Variants in PAX5 observed in about 807,000 individuals in gnomAD.
PAX5 encodes paired box protein Pax-5.
In PAX5, 9 loss-of-function variants were observed where a neutral mutation model predicts 43.7. The observed-to-expected ratio is 0.21, with a 90% confidence interval of 0.12 to 0.36. PAX5 has a LOEUF of 0.36. Among genes scored for constraint, PAX5 ranks in the 10% least tolerant of loss-of-function variants. The pLI, the probability that PAX5 is intolerant of heterozygous loss-of-function variation, is 1.00. For synonymous variants in PAX5, 228 were observed against 214.3 expected, an observed-to-expected ratio of 1.06 and a Z score of -0.56; for missense variants, 383 against 532.7, an observed-to-expected ratio of 0.72 and a Z score of 2.77.
intron 5 of PAX5, among the ~76,000 whole-genome samples, chr9:36,967,646 G>A (rs114212833): frequency 7.8e-4 from 119 of 152,288 alleles, no homozygotes; most frequent in African/African-American, 2.6e-3. Flanking sequence ...AAAATAAGAC[G>A]ATGTGCAATA....
At chr9:37,025,786 G>A (rs1157991468) in intron 1 of PAX5, among the ~76,000 whole-genome samples, 20 of 152,214 alleles carry the variant, frequency 1.3e-4, no homozygotes. Context: ...TTTCAGAGGC[G>A]GGGGTGCCTG....
At position 37,015,667 on chromosome 9, in the gene PAX5, C is replaced by G. The variant is rs1212128821; in HGVS notation, c.213-473G>C. ...TGATCTTGGCTCACTGCAACCTCCG[C>G]CTCCTGGGTTCAAGTGATTCTCCTG... On this transcript the variant is annotated intron_variant, in intron 2 of 9. Transcript: ENST00000358127. The surrounding 1 kb of genome is among the most constrained non-coding windows in gnomAD (Gnocchi z 4.4). 1.3e-5 allele frequency among the ~76,000 whole-genome samples: 2 copies of G among 151,958 alleles called. No homozygotes were observed. The highest frequency in any genetic ancestry group is 6.6e-5 in the Admixed American group (1 of 15,256).
At chr9:36,934,488 G>A (rs909536096) in intron 6 of PAX5, among the ~76,000 whole-genome samples, 4 of 152,156 alleles carry the variant, frequency 2.6e-5, no homozygotes, top group Non-Finnish European at 4.4e-5. Flanking sequence ...AGGGAAACTC[G>A]GTAAAGGGTG....
intron 1 of PAX5, among the ~76,000 whole-genome samples, chr9:37,023,948 C>G (rs976033019): frequency 6.6e-6 from 1 of 152,064 alleles, no homozygotes; most frequent in South Asian, 2.1e-4. Flanking sequence ...ATGTGTATAC[C>G]CACTGCCCTC....
chr9:36,996,896 G>A (rs1177996063), intron 5 of PAX5, among the ~76,000 whole-genome samples: 1 of 152,070 alleles, frequency 6.6e-6, no homozygotes, highest in Non-Finnish European at 1.5e-5. Flanking sequence ...AGAAGGAGAG[G>A]GAGAGAGAGA....
intron 7 of PAX5, among the ~76,000 whole-genome samples, chr9:36,911,002 T>C (rs1829235569): frequency 6.6e-6 from 1 of 152,134 alleles, no homozygotes; most frequent in South Asian, 2.1e-4. Context: ...CCAGAATGCC[T>C]TTCCCCGAGC....
chr9:36,865,004 C>T (rs533351757), intron 8 of PAX5, among the ~76,000 whole-genome samples: 3 of 152,200 alleles, frequency 2.0e-5, no homozygotes, highest in South Asian at 4.1e-4. Flanking sequence ...CCTTCCCGCC[C>T]GCGAAGGAAC....
chr9:36,939,813 AAGAGAG>A (rs374942247), intron 6 of PAX5, among the ~76,000 whole-genome samples: 1 of 150,566 alleles, frequency 6.6e-6, no homozygotes, highest in Non-Finnish European at 1.5e-5. Flanking sequence ...AAGCAAGAGA[AAGAGAG>A]AGAGAGTGAG....
At chr9:36,967,672 G>T (rs941455548) in intron 5 of PAX5, among the ~76,000 whole-genome samples, 1 of 152,212 alleles carries the variant, frequency 6.6e-6, no homozygotes, top group Non-Finnish European at 1.5e-5. Context: ...CTCTCCAAAG[G>T]ATATATGAGA....
intron 7 of PAX5, among the ~76,000 whole-genome samples, chr9:36,909,530 C>G (rs1829082260): frequency 6.6e-6 from 1 of 152,196 alleles, no homozygotes; most frequent in Non-Finnish European, 1.5e-5. Flanking sequence ...GGCTGCCCTT[C>G]CTGGCTTGAG....
chr9:36,854,919 C>T (rs570891567), intron 8 of PAX5, among the ~76,000 whole-genome samples: 5 of 152,346 alleles, frequency 3.3e-5, no homozygotes, highest in South Asian at 2.1e-4. Flanking sequence ...CACAGCTGGA[C>T]GGCAGGCCTG....
At chr9:36,933,143 C>CAAAA (rs35734654) in intron 6 of PAX5, among the ~76,000 whole-genome samples, 1 of 96,466 alleles carries the variant, frequency 1.0e-5, no homozygotes. Context: ...GACCCTGTCT[C>CAAAA]AAAAAAAAAA....
intron 8 of PAX5, among the ~76,000 whole-genome samples, chr9:36,867,579 C>G (rs569385814): frequency 6.6e-6 from 1 of 152,230 alleles, no homozygotes; most frequent in African/African-American, 2.4e-5. Flanking sequence ...CAAGACCCCA[C>G]GATGGCCACA....
chr9:36,951,770 C>G (rs1833031103), intron 6 of PAX5, among the ~76,000 whole-genome samples: 1 of 152,044 alleles, frequency 6.6e-6, no homozygotes, highest in African/African-American at 2.4e-5. Context: ...TTTCTTCTCC[C>G]TTACCTTCTA....
At chr9:36,930,653 T>C (rs373912208) in intron 6 of PAX5, among the ~76,000 whole-genome samples, 2 of 152,210 alleles carry the variant, frequency 1.3e-5, no homozygotes, top group African/African-American at 4.8e-5. Flanking sequence ...TGGCTGTAGG[T>C]GAGCTGGGCC....
chr9:36,916,793 T>C (rs1173357100), intron 7 of PAX5, among the ~76,000 whole-genome samples: 1 of 152,176 alleles, frequency 6.6e-6, no homozygotes, highest in Non-Finnish European at 1.5e-5. Context: ...CAAGTGGTTC[T>C]TGTGCCTCAG....
At chr9:36,868,047 C>T (rs62533254) in intron 8 of PAX5, among the ~76,000 whole-genome samples, 5,174 of 151,680 alleles carry the variant, frequency 0.034, 118 homozygotes, top group Non-Finnish European at 0.042. Flanking sequence ...GGGATGAGGG[C>T]GAGAGGCAAG....
chr9:37,019,114 TA>T (rs942408515), intron 2 of PAX5, among the ~76,000 whole-genome samples: 32 of 152,318 alleles, frequency 2.1e-4, no homozygotes, highest in Admixed American at 6.5e-4. Flanking sequence ...TGAGATAGTC[TA>T]AAGTATTGTG....
intron 8 of PAX5, among the ~76,000 whole-genome samples, chr9:36,866,614 A>G (rs1824909339): frequency 6.6e-6 from 1 of 151,800 alleles, no homozygotes; most frequent in African/African-American, 2.4e-5. Context: ...TCCTTTTTAT[A>G]CCAGTTCTGC....
Sources: gnomAD v4.1 joint callset for allele counts (sites outside exome capture counted in the v4.1 genomes callset) on GRCh38, gnomAD v4.1.1 for gene constraint, Gnocchi (gnomAD v3.1) non-coding constraint, MANE v1.5 for transcripts, NCBI Gene and HGNC (gene_info 2026-07-23, HGNC 2026-07-21) for gene names.